LGI2: variants seen among roughly 807,000 people sequenced by gnomAD.
LGI2 encodes the protein leucine-rich repeat LGI family member 2.
In LGI2, 30 loss-of-function variants were observed where a neutral mutation model predicts 52.0. The observed-to-expected ratio is 0.58, with a 90% confidence interval of 0.43 to 0.78. The LOEUF (loss-of-function observed/expected upper bound fraction) is 0.78, where lower values mean the gene tolerates loss of function less well. Among genes scored for constraint, LGI2 ranks in the 30% least tolerant of loss-of-function variants. The pLI, the probability that LGI2 is intolerant of heterozygous loss-of-function variation, is 0.00. For synonymous variants in LGI2, 270 were observed against 271.8 expected (o/e 0.99, Z 0.06); for missense variants, 573 against 692.5 (o/e 0.83, Z 1.94).
At chr4:24,994,967 C>T (rs1725022887), downstream of LGI2, among the ~76,000 whole-genome samples, 1 of 152,232 alleles carries the variant, frequency 6.6e-6, no homozygotes, top group Non-Finnish European at 1.5e-5. Flanking sequence ...GTTAAAGTGA[C>T]TACATTCCTC....
In LGI2 at chr4:25,012,494, CAA is replaced by C; in HGVS notation, c.659_660del (p.Phe220CysfsTer43). ...TGGTAGGGTAAAGTCTGATGAACAA[CAA>C]AATCTGGGGATGGGTGTTTAAAAAG... is the stretch of plus-strand genomic sequence containing the variant. ...SFDYECTTTDFVVHQTLPYQS... is the reference protein window; with the variant it reads ...SFDYECTTTDXVVHQTLPYQS... On this transcript the variant is annotated frameshift_variant, in exon 7 of 8. Transcript: ENST00000382114. LOFTEE classifies it high-confidence loss of function. 6.2e-7 allele frequency: 1 copy of C among 1,613,376 alleles called. No homozygotes were observed. The highest frequency in any genetic ancestry group is 8.5e-7 in the Non-Finnish European group (1 of 1,179,520).
rs1343864932 is a variant in LGI2 at position 24,999,879 on chromosome 4, T to G, written c.*3572A>C. On this transcript the variant is annotated 3_prime_UTR_variant, in exon 8 of 8. Coordinates refer to ENST00000382114, the MANE Select transcript of LGI2 (RefSeq NM_018176.4). ...CACTCGTGCATTCAGGTTTTGAATT[T>G]TTCCTTCACAGATCTCTTCTTGTTT... is the stretch of plus-strand genomic sequence containing the variant. The G allele has an allele frequency of 2.2e-6, 1 of 456,178 alleles. No homozygotes were observed. The highest frequency in any genetic ancestry group is 4.4e-6 in the Non-Finnish European group (1 of 226,928). The allele number at this position is 456,178 out of a possible 1,614,324, so 28.3% of individuals were successfully genotyped here.
At chr4:25,019,141 C>T in intron 5 of LGI2, 26 bp downstream of exon 5, 1 of 1,406,796 alleles carries the variant, frequency 7.1e-7, no homozygotes. Context: ...ATGACAAACA[C>T]ACATAAACTA....
intron 6 of LGI2, among the ~76,000 whole-genome samples, chr4:25,017,541 C>CAAAAAAA (rs66740392): frequency 3.0e-4 from 16 of 53,244 alleles, no homozygotes; most frequent in African/African-American, 9.7e-4. Flanking sequence ...GACTCTGCCT[C>CAAAAAAA]AAAAAAAAAA....
intron 3 of LGI2, 50 bp from the exon 4 acceptor site, chr4:25,024,941 C>A: frequency 1.7e-6 from 2 of 1,200,630 alleles, no homozygotes; most frequent in South Asian, 1.4e-5. Flanking sequence ...CCTTAGTATC[C>A]CAAAAAAACT....
the LGI2 span, among the ~76,000 whole-genome samples, chr4:24,992,807 C>T: frequency 6.6e-6 from 1 of 152,156 alleles, no homozygotes; most frequent in Admixed American, 6.5e-5. Flanking sequence ...ACCCCTCACC[C>T]CACTGCCACA....
Position 25,003,232 on chromosome 4 carries a change from GA to G in LGI2, c.*218del, listed in dbSNP as rs1725297672. On this transcript the variant is annotated 3_prime_UTR_variant, in exon 8 of 8. Coordinates refer to ENST00000382114, the MANE Select transcript of LGI2 (RefSeq NM_018176.4). ...TTTTCTCAGAAATTACAGGCTTTAA[GA>G]TTTTTTTTTAAATGGTAGAATGGGC... 6.5e-6 allele frequency: 3 copies of G among 460,326 alleles called. No homozygotes were observed. The highest frequency in any genetic ancestry group is 7.1e-5 in the East Asian group (2 of 28,260). The allele number at this position is 460,326 out of a possible 1,614,324, so 28.5% of individuals were successfully genotyped here.
chr4:24,998,398 C>G (rs1013346450), downstream of LGI2, among the ~76,000 whole-genome samples: 3 of 152,130 alleles, frequency 2.0e-5, no homozygotes, highest in Non-Finnish European at 4.4e-5. Flanking sequence ...CCAGATGGGT[C>G]TTAGATGAAG....
chr4:25,026,766 A>G (rs1726164317), intron 3 of LGI2, 102 bp downstream of exon 3: 1 of 874,004 alleles, frequency 1.1e-6, no homozygotes, highest in Non-Finnish European at 1.9e-6. Context: ...CAGTTTCTCC[A>G]CCCCTAAACC....
At chr4:25,019,811 C>T (rs1725897109) in intron 4 of LGI2, among the ~76,000 whole-genome samples, 1 of 152,212 alleles carries the variant, frequency 6.6e-6, no homozygotes, top group South Asian at 2.1e-4. Context: ...CCCTGTACCA[C>T]CATCATTTGG....
chr4:24,996,806 C>T (rs539063116), downstream of LGI2, among the ~76,000 whole-genome samples: 13 of 152,328 alleles, frequency 8.5e-5, no homozygotes, highest in South Asian at 2.7e-3. Context: ...CCTTCCACAA[C>T]AATTGTTTCT....
chr4:25,001,949 G>A lies in LGI2; in HGVS notation c.*1502C>T, dbSNP rs1006142969. On this transcript the variant is annotated 3_prime_UTR_variant, in exon 8 of 8. Coordinates refer to ENST00000382114, the MANE Select transcript of LGI2 (RefSeq NM_018176.4). ...TTCATGGCTAGGAATGAAGTTGTTG[G>A]GTTTCTCTTTCAGAGCTACCCCTAA... The A allele has an allele frequency of 6.6e-6, 1 of 152,072 alleles. No individual in the cohort carries two copies. Among genetic ancestry groups the A allele is most frequent in the Non-Finnish European group, 1.5e-5 (1 of 68,022 alleles). 9.4% of individuals were successfully genotyped at this position (152,072 alleles called of 1,614,324 possible).
chr4:25,004,034 G>A lies in LGI2; in HGVS notation c.1055C>T (p.Thr352Ile). ...TCCTTTGCTGTTCCATTTATAAACT[G>A]TGGACAGACCAGCCTTTGAGCTGTC... is the stretch of plus-strand genomic sequence containing the variant. ...IADSSKAGLS[T>I]VYKWNSKGFY... The change falls in exon 8 of 8, where the codon ACA becomes ATA. Residue 352 changes from threonine to isoleucine, a missense_variant. Transcript: ENST00000382114. This position sits in a 1 kb window ranked among gnomAD's most constrained non-coding sequence, Gnocchi z 4.6. 6.2e-7 allele frequency: 1 copy of A among 1,614,214 alleles called. No homozygotes were observed. Among genetic ancestry groups the A allele is most frequent in the Non-Finnish European group, 8.5e-7 (1 of 1,180,050 alleles).
intron 7 of LGI2, 93 bp downstream of exon 7, chr4:25,012,242 A>C: frequency 7.2e-7 from 1 of 1,389,496 alleles, no homozygotes; most frequent in Non-Finnish European, 1.0e-6. Context: ...TAGAGAGCCG[A>C]GCTCTCCCTC....
chr4:25,004,165 A>C lies in LGI2; in HGVS notation c.924T>G (p.Ser308Arg). The change falls in exon 8 of 8, where the codon AGT (serine) becomes AGG (arginine). Residue 308 changes from serine (S) to arginine (R), a missense_variant. Coordinates refer to ENST00000382114, the MANE Select transcript of LGI2 (RefSeq NM_018176.4). This position sits in a 1 kb window ranked among gnomAD's most constrained non-coding sequence, Gnocchi z 4.6. ...GGSHIYKYDE[S>R]WTKFVKFQDI... ...CTTGGAATTTGACAAATTTGGTCCAACTCTCGTCGTATTTGTAAATGTGAG... is the reference window on the plus strand; with the variant it reads ...CTTGGAATTTGACAAATTTGGTCCACCTCTCGTCGTATTTGTAAATGTGAG... 1.2e-6 allele frequency: 2 copies of C among 1,614,002 alleles called. No homozygotes were observed. The highest frequency in any genetic ancestry group is 1.7e-6 in the Non-Finnish European group (2 of 1,180,002).
intron 1 of LGI2, 132 bp downstream of exon 1, chr4:25,030,365 C>G (rs1002398872): frequency 9.3e-6 from 9 of 965,240 alleles, no homozygotes; most frequent in Non-Finnish European, 1.4e-5. Flanking sequence ...CCCACGTCCC[C>G]CACACAAAGG....
chr4:24,993,820 C>T, the LGI2 span, among the ~76,000 whole-genome samples: 3 of 152,186 alleles, frequency 2.0e-5, no homozygotes, highest in South Asian at 6.2e-4. Flanking sequence ...TTTATTGCGA[C>T]AGAAAATGCA....
At chr4:25,019,581 C>T (rs1725887861) in intron 4 of LGI2, among the ~76,000 whole-genome samples, 1 of 152,246 alleles carries the variant, frequency 6.6e-6, no homozygotes, top group Non-Finnish European at 1.5e-5. Context: ...TAGGAGACCC[C>T]ATCTCATCGG....
At chr4:25,009,245 T>G (rs1441667616) in intron 7 of LGI2, among the ~76,000 whole-genome samples, 2 of 152,204 alleles carry the variant, frequency 1.3e-5, no homozygotes, top group Non-Finnish European at 2.9e-5. Flanking sequence ...CGCTGGCTCA[T>G]TTGGCTCATG....
Sources: gnomAD v4.1 joint callset for allele counts (sites outside exome capture counted in the v4.1 genomes callset) on GRCh38, gnomAD v4.1.1 for gene constraint, Gnocchi (gnomAD v3.1) non-coding constraint, MANE v1.5 for transcripts, NCBI Gene and HGNC (gene_info 2026-07-23, HGNC 2026-07-21) for gene names.